The following ADGRA3 variants were observed in gnomAD, a reference collection of about 807,000 sequenced individuals.
ADGRA3 encodes G-protein coupled receptor 125.
ADGRA3 carries 56 observed loss-of-function variants against 119.8 expected under a neutral mutation model. The observed-to-expected ratio is 0.47, with a 90% CI of 0.38 to 0.58. The LOEUF (loss-of-function observed/expected upper bound fraction) is 0.58, where lower values mean the gene tolerates loss of function less well. ADGRA3 is among the 20% of genes least tolerant of loss of function. The pLI is 0.00. For synonymous variants in ADGRA3, 607 were observed against 623.8 expected (o/e 0.97, Z 0.40); for missense variants, 1,516 against 1,649.0 (o/e 0.92, Z 1.40).
chr4:22,495,893 A>T (rs1718804864), intron 1 of ADGRA3, among the ~76,000 whole-genome samples: 1 of 151,912 alleles, frequency 6.6e-6, no homozygotes, highest in African/African-American at 2.4e-5. Flanking sequence ...TGGGGGACAG[A>T]GCAAGACTCC....
intron 1 of ADGRA3, among the ~76,000 whole-genome samples, chr4:22,503,570 T>G (rs1719126687): frequency 6.6e-6 from 1 of 152,158 alleles, no homozygotes; most frequent in Non-Finnish European, 1.5e-5. Context: ...CCACCCACAA[T>G]ACAAGGCCAT....
chr4:22,433,284 T>C (rs2126635), intron 10 of ADGRA3, among the ~76,000 whole-genome samples: 107,573 of 152,068 alleles, frequency 0.71, 38,853 homozygotes, highest in East Asian at 0.83. Context: ...AACTAACTGA[T>C]GCACTCATGA....
chr4:22,394,074 C>A (rs1035902964), intron 16 of ADGRA3: 2 of 152,060 alleles, frequency 1.3e-5, no homozygotes, highest in African/African-American at 4.8e-5. Context: ...CATAATCCAG[C>A]TTTCTTAACC....
chr4:22,430,912 A>G (rs564342482), intron 10 of ADGRA3, among the ~76,000 whole-genome samples: 1 of 152,296 alleles, frequency 6.6e-6, no homozygotes, highest in African/African-American at 2.4e-5. Flanking sequence ...CATGACTAAA[A>G]GGGGCCAAGG....
intron 2 of ADGRA3, among the ~76,000 whole-genome samples, chr4:22,469,974 C>T (rs576445976): frequency 3.9e-5 from 6 of 152,136 alleles, no homozygotes; most frequent in African/African-American, 1.4e-4. Flanking sequence ...TATGTATATC[C>T]TATGTTTCTC....
chr4:22,510,511 C>G (rs979186710), intron 1 of ADGRA3, among the ~76,000 whole-genome samples: 6 of 152,026 alleles, frequency 3.9e-5, no homozygotes, highest in South Asian at 2.1e-4. Flanking sequence ...TGTGGTTCTG[C>G]CTGGGTCACC....
chr4:22,404,451 A>C (rs1055270422), intron 14 of ADGRA3, among the ~76,000 whole-genome samples: 9 of 152,190 alleles, frequency 5.9e-5, no homozygotes, highest in Non-Finnish European at 1.0e-4. Context: ...GACAAAAACC[A>C]CAGTAAGTGG....
chr4:22,434,546 G>T (rs1310259163), intron 10 of ADGRA3, among the ~76,000 whole-genome samples: 4 of 152,216 alleles, frequency 2.6e-5, no homozygotes, highest in Admixed American at 6.5e-5. Flanking sequence ...CTTGCTTGAG[G>T]TTCCCTCTAC....
intron 12 of ADGRA3, chr4:22,420,436 G>C (rs1232765829): frequency 5.9e-6 from 1 of 169,240 alleles, no homozygotes; most frequent in Non-Finnish European, 1.2e-5. Flanking sequence ...TATACAGCTT[G>C]CTTGATTAAA....
intron 4 of ADGRA3, among the ~76,000 whole-genome samples, chr4:22,454,382 G>A (rs1270163047): frequency 6.6e-6 from 1 of 152,052 alleles, no homozygotes; most frequent in African/African-American, 2.4e-5. Context: ...ATGGTCAGAG[G>A]CACAATTCAA....
intron 9 of ADGRA3, 111 bp downstream of exon 9, chr4:22,436,329 C>T: frequency 1.3e-6 from 1 of 781,870 alleles, no homozygotes. Flanking sequence ...AGTAAAAACA[C>T]AAAATCCTTA....
At chr4:22,413,105 A>AAAAAAT in intron 14 of ADGRA3, 77 bp downstream of exon 14, 1 of 1,146,076 alleles carries the variant, frequency 8.7e-7, no homozygotes, top group Non-Finnish European at 1.3e-6. Context: ...AAAACAAAAA[A>AAAAAAT]ACACTTCATT....
intron 7 of ADGRA3, 86 bp from the exon 8 acceptor site, chr4:22,438,506 AATATTTTTGAATGC>A: frequency 2.1e-6 from 2 of 964,496 alleles, no homozygotes; most frequent in South Asian, 3.6e-5. Context: ...TAATTTAGCA[AATATTTTTGAATGC>A]ATATTGTGGG....
intron 11 of ADGRA3, among the ~76,000 whole-genome samples, chr4:22,422,932 C>T (rs917572952): frequency 2.0e-5 from 3 of 152,118 alleles, no homozygotes; most frequent in Admixed American, 2.0e-4. Flanking sequence ...CGGTGGCTCA[C>T]GCCTGTAATC....
chr4:22,501,775 GA>G (rs112669194), intron 1 of ADGRA3, among the ~76,000 whole-genome samples: 18,142 of 139,732 alleles, frequency 0.13, 1,220 homozygotes, highest in East Asian at 0.31. Flanking sequence ...GGGAAAAGAT[GA>G]AAAAAAAAAA....
intron 12 of ADGRA3, chr4:22,414,509 C>T (rs1046059753): frequency 4.2e-5 from 26 of 617,774 alleles, no homozygotes; most frequent in East Asian, 5.7e-5. Context: ...GAACAATTAA[C>T]CATCTAAAAA....
chr4:22,392,527 A>G lies in ADGRA3; in HGVS notation c.2627+18T>C. On this transcript the variant is annotated intron_variant, in intron 17 of 18. Coordinates refer to ENST00000334304, the MANE Select transcript of ADGRA3 (RefSeq NM_145290.4). ...TGAAAGCAAACAAAACAATTAATAC[A>G]ACAAAGATATGAGATACCTGAGCAT... 6.2e-7 allele frequency: 1 copy of G among 1,610,920 alleles called. No homozygotes were observed. Among genetic ancestry groups the G allele is most frequent in the South Asian group, 1.1e-5 (1 of 90,492 alleles).
chr4:22,470,297 A>G (rs1381448603), intron 2 of ADGRA3, among the ~76,000 whole-genome samples: 1 of 147,840 alleles, frequency 6.8e-6, no homozygotes, highest in Non-Finnish European at 1.5e-5. Context: ...AAAAAATAAA[A>G]CCCCAAATCC....
chr4:22,515,714 A>T lies in ADGRA3; in HGVS notation c.71T>A (p.Leu24Gln). Residue 24 changes from leucine to glutamine, a missense_variant, in exon 1 of 19, where the codon CTG becomes CAG. Coordinates refer to ENST00000334304, the MANE Select transcript of ADGRA3 (RefSeq NM_145290.4). ...PLLLPLSLLA[L>Q]LALLGGGGGG... Reference sequence around the variant, plus strand: ...GCCGCCGCCTCCCAGCAGCGCGAGCAGCGCTAACAGCGAGAGCGGCAGCAA... The same window carrying T: ...GCCGCCGCCTCCCAGCAGCGCGAGCTGCGCTAACAGCGAGAGCGGCAGCAA... 9.5e-7 allele frequency: 1 copy of T among 1,051,820 alleles called. No individual in the cohort carries two copies. The highest frequency in any genetic ancestry group is 1.1e-6 in the Non-Finnish European group (1 of 877,814). 65.2% of individuals were successfully genotyped at this position (1,051,820 alleles called of 1,614,324 possible).
Sources: gnomAD v4.1 joint callset for allele counts (sites outside exome capture counted in the v4.1 genomes callset) on GRCh38, gnomAD v4.1.1 for gene constraint, MANE v1.5 for transcripts, NCBI Gene and HGNC (gene_info 2026-07-23, HGNC 2026-07-21) for gene names.